ATXN7L1: variants seen among roughly 807,000 people sequenced by gnomAD.
ATXN7L1 encodes ataxin 7 like 1.
In ATXN7L1, 15 loss-of-function variants were observed where a neutral mutation model predicts 70.8. That is an observed-to-expected ratio of 0.21 (90% CI 0.14 to 0.33). ATXN7L1 has a LOEUF of 0.33. Among genes scored for constraint, ATXN7L1 ranks in the 10% least tolerant of loss-of-function variants. The pLI, the probability that ATXN7L1 is intolerant of heterozygous loss-of-function variation, is 1.00. For missense variants in ATXN7L1, 975 were observed against 1,097.1 expected, an observed-to-expected ratio of 0.89 and a Z score of 1.57; for synonymous variants, 440 against 445.1, an observed-to-expected ratio of 0.99 and a Z score of 0.14.
chr7:105,838,293 C>T lies in ATXN7L1; in HGVS notation c.250+37519G>A, dbSNP rs912932842. Among the ~76,000 whole-genome samples, 12 of 152,244 alleles carry T rather than the reference C, an allele frequency of 7.9e-5. No individual in the cohort carries two copies. The South Asian group carries it at 8.3e-4, about 11-fold the overall frequency. ...TTCGGCTGAGCATGCTGCCAGGAGC[C>T]GAAGACACTCGACATTTTACCATTT... On this transcript the variant is annotated intron_variant, in intron 2 of 11. Coordinates refer to ENST00000419735, the MANE Select transcript of ATXN7L1 (RefSeq NM_020725.2).
rs779946678 is a variant in ATXN7L1 at position 105,835,148 on chromosome 7, G to GTTTTT, written c.250+40663_250+40664insAAAAA. Among the ~76,000 whole-genome samples, 38 of 85,040 alleles carry GTTTTT rather than the reference G, an allele frequency of 4.5e-4. 1 individual carries two copies. Among genetic ancestry groups the GTTTTT allele is most frequent in the East Asian group, 4.2e-3 (13 of 3,068 alleles). The allele number at this position is 85,040 out of a possible 152,430, so 55.8% of individuals were successfully genotyped here. On this transcript the variant is annotated intron_variant, in intron 2 of 11. Transcript: ENST00000419735. ...TTTTTTTAATAATTTATAAGTGTGT[G>GTTTTT]GTTTTTTTTTTTTTTTTTTTTTTTG...
In ATXN7L1 at chr7:105,614,715, G is replaced by A; in HGVS notation, c.1619C>T (p.Ala540Val). ...GATGGGAGCTGAAGGAAGATACACA[G>A]CACTGGGGTTGCTGAAAGGCTGCAA... is the stretch of plus-strand genomic sequence containing the variant. ...SVLQPFSNPS[A>V]VYLPSAPISS... Residue 540 changes from alanine (A) to valine (V), a missense_variant, in exon 10 of 12, where the codon GCT (alanine) becomes GTT (valine). By Grantham distance (64) the Ala-to-Val change is moderately conservative (BLOSUM62 0). Coordinates refer to ENST00000419735, the MANE Select transcript of ATXN7L1 (RefSeq NM_020725.2). This position sits in a 1 kb window ranked among gnomAD's most constrained non-coding sequence, Gnocchi z 4.3. The A allele has an allele frequency of 6.4e-7, 1 of 1,551,742 alleles. No individual in the cohort carries two copies.
At chr7:105,717,114 T>C (rs1020817042) in intron 3 of ATXN7L1, among the ~76,000 whole-genome samples, 2 of 152,120 alleles carry the variant, frequency 1.3e-5, no homozygotes, top group Admixed American at 1.3e-4. Flanking sequence ...ATTATAAACA[T>C]TTTTTCATGT....
chr7:105,874,829 T>C (rs1818793631), intron 2 of ATXN7L1, among the ~76,000 whole-genome samples: 1 of 152,208 alleles, frequency 6.6e-6, no homozygotes, highest in South Asian at 2.1e-4. Context: ...GGACCATTCT[T>C]TGGCATCTAA....
At chr7:105,858,146 G>A (rs759055919) in intron 2 of ATXN7L1, among the ~76,000 whole-genome samples, 13 of 152,090 alleles carry the variant, frequency 8.5e-5, no homozygotes, top group African/African-American at 1.2e-4. Context: ...TGGGAGCATC[G>A]CTTGAATCAA....
intron 3 of ATXN7L1, among the ~76,000 whole-genome samples, chr7:105,720,109 C>T (rs774758495): frequency 6.6e-6 from 1 of 152,134 alleles, no homozygotes; most frequent in Non-Finnish European, 1.5e-5. Context: ...TTAAATAGTC[C>T]GAATACCATG....
intron 3 of ATXN7L1, among the ~76,000 whole-genome samples, chr7:105,718,060 G>A (rs1478161055): frequency 1.3e-5 from 2 of 152,194 alleles, no homozygotes; most frequent in Non-Finnish European, 2.9e-5. Flanking sequence ...CAGAGGAAAT[G>A]GAAGGGGCAG....
intron 3 of ATXN7L1, among the ~76,000 whole-genome samples, chr7:105,727,602 G>A (rs1430412534): frequency 6.8e-6 from 1 of 147,968 alleles, no homozygotes; most frequent in African/African-American, 2.5e-5. Flanking sequence ...CCTGGAGGCA[G>A]AGGTTGCAGT....
At chr7:105,668,478 A>G (rs1802999066) in intron 3 of ATXN7L1, among the ~76,000 whole-genome samples, 1 of 151,902 alleles carries the variant, frequency 6.6e-6, no homozygotes, top group Non-Finnish European at 1.5e-5. Context: ...TCTCACTGCA[A>G]CCTCCCTCAA....
intron 8 of ATXN7L1, among the ~76,000 whole-genome samples, chr7:105,623,775 C>T (rs1205733132): frequency 4.6e-5 from 7 of 152,224 alleles, no homozygotes; most frequent in Non-Finnish European, 1.0e-4. Flanking sequence ...AACACTATTT[C>T]TCACGCGTGC....
Position 105,614,910 on chromosome 7 carries a change from G to T in ATXN7L1, c.1518-94C>A. On this transcript the variant is annotated intron_variant, in intron 9 of 11. Coordinates refer to ENST00000419735, the MANE Select transcript of ATXN7L1 (RefSeq NM_020725.2). This position sits in a 1 kb window ranked among gnomAD's most constrained non-coding sequence, Gnocchi z 4.3. ...GACGTTTGAGGATCAGGGCTACAGAGGACACCCCGGCAGAACCAGACTATG... is the reference window on the plus strand; with the variant it reads ...GACGTTTGAGGATCAGGGCTACAGATGACACCCCGGCAGAACCAGACTATG... The T allele has an allele frequency of 7.2e-7, 1 of 1,396,220 alleles. No individual in the cohort carries two copies. The highest frequency in any genetic ancestry group is 9.6e-7 in the Non-Finnish European group (1 of 1,042,982). The allele number at this position is 1,396,220 out of a possible 1,614,324, so 86.5% of individuals were successfully genotyped here.
chr7:105,621,678 C>T (rs1258016307), intron 8 of ATXN7L1, among the ~76,000 whole-genome samples: 1 of 152,202 alleles, frequency 6.6e-6, no homozygotes, highest in African/African-American at 2.4e-5. Flanking sequence ...TGACATTTGG[C>T]TGGTTTAGGG....
rs530568349 is a variant in ATXN7L1 at position 105,642,867 on chromosome 7, T to G, written c.833A>C (p.Asn278Thr). ...AAGTCTCCTGTAAGGCTTGTTGCTG[T>G]TTTTGGTGCCATTTTGGTGTTTCTT... ...IDKKHQNGTK[N>T]SNKPYRRLSE... The change falls in exon 5 of 12, where the codon AAC becomes ACC. Residue 278 changes from asparagine to threonine, a missense_variant. Asn to Thr is a moderately conservative substitution (Grantham distance 65). Coordinates refer to ENST00000419735, the MANE Select transcript of ATXN7L1 (RefSeq NM_020725.2). The G allele has an allele frequency of 1.3e-6, 2 of 1,551,570 alleles. No individual in the cohort carries two copies. Among genetic ancestry groups the G allele is most frequent in the African/African-American group, 1.4e-5 (1 of 73,162 alleles).
At chr7:105,774,279 G>A (rs1194023337) in intron 3 of ATXN7L1, among the ~76,000 whole-genome samples, 1 of 151,868 alleles carries the variant, frequency 6.6e-6, no homozygotes, top group Admixed American at 6.6e-5. Context: ...TGGAGCTAGT[G>A]TCACTATCAG....
At chr7:105,675,774 C>T (rs1019550503) in intron 3 of ATXN7L1, among the ~76,000 whole-genome samples, 1 of 152,058 alleles carries the variant, frequency 6.6e-6, no homozygotes, top group Admixed American at 6.5e-5. Context: ...AAAACACTAA[C>T]ATATCCTTAA....
intron 5 of ATXN7L1, among the ~76,000 whole-genome samples, chr7:105,640,385 T>C (rs936231330): frequency 3.3e-5 from 5 of 152,238 alleles, no homozygotes; most frequent in Admixed American, 2.6e-4. Flanking sequence ...CCCCAGCTCC[T>C]GCCTTCCAGT....
At chr7:105,875,626 T>TTCCCCCCC (rs146310508) in intron 2 of ATXN7L1, among the ~76,000 whole-genome samples, 186 bp downstream of exon 2, 1 of 59,562 alleles carries the variant, frequency 1.7e-5, no homozygotes, top group Non-Finnish European at 3.1e-5. Context: ...CACCCCCCTT[T>TTCCCCCCC]ACCCCCCCCC....
intron 2 of ATXN7L1, among the ~76,000 whole-genome samples, chr7:105,797,846 C>T (rs532057060): frequency 6.6e-6 from 1 of 152,328 alleles, no homozygotes; most frequent in South Asian, 2.1e-4. Context: ...CTGACTCTCA[C>T]CAGACGGCAA....
intron 2 of ATXN7L1, among the ~76,000 whole-genome samples, chr7:105,794,483 T>C (rs1375083023): frequency 6.6e-6 from 1 of 152,230 alleles, no homozygotes; most frequent in Non-Finnish European, 1.5e-5. Flanking sequence ...AGCTGGTTGT[T>C]AAAACATTTA....
Sources: allele counts gnomAD v4.1 joint callset (sites outside exome capture counted in the v4.1 genomes callset), GRCh38; gene constraint gnomAD v4.1.1; non-coding constraint Gnocchi (gnomAD v3.1); transcripts MANE v1.5; gene names NCBI Gene and HGNC (gene_info 2026-07-23, HGNC 2026-07-21).